The following MARCHF1 variants were observed in gnomAD, a reference collection of about 807,000 sequenced individuals.
The protein encoded by MARCHF1 is E3 ubiquitin-protein ligase MARCHF1.
Under a neutral mutation model 54.2 loss-of-function variants are expected in MARCHF1, and 40 were observed. That is an observed-to-expected ratio of 0.74 (90% CI 0.57 to 0.96). MARCHF1 has a LOEUF of 0.96. Among genes scored for constraint, MARCHF1 ranks in the 40% least tolerant of loss-of-function variants. The pLI is 0.00. For missense variants in MARCHF1, 586 were observed against 656.5 expected, an observed-to-expected ratio of 0.89 and a Z score of 1.17; for synonymous variants, 236 against 236.3, an observed-to-expected ratio of 1.00 and a Z score of 0.01.
At chr4:164,045,189 A>T (rs1754215968) in intron 2 of MARCHF1, among the ~76,000 whole-genome samples, 1 of 152,124 alleles carries the variant, frequency 6.6e-6, no homozygotes, top group Admixed American at 6.6e-5. Context: ...TAAACTTTCT[A>T]AATGAGTATA....
In MARCHF1 at chr4:163,526,434, T is replaced by TATC. The variant is rs1269704042; in HGVS notation, c.*2311_*2313dup. On this transcript the variant is annotated 3_prime_UTR_variant, in exon 10 of 10. Transcript: ENST00000514618. ...GTGTCTGGATGTTTTTCCCCGGGAA[T>TATC]ATCTGTAAGCAGCATGTTGCCATTA... 1.3e-5 allele frequency: 2 copies of TATC among 152,104 alleles called. No homozygotes were observed. Among genetic ancestry groups the TATC allele is most frequent in the African/African-American group, 4.8e-5 (2 of 41,446 alleles). The allele number at this position is 152,104 out of a possible 1,614,324, so 9.4% of individuals were successfully genotyped here. A position where few individuals can be genotyped will look rare whatever the true frequency, so the allele number is the denominator to read the frequency against.
At chr4:163,936,416 C>A (rs1384965918) in intron 3 of MARCHF1, among the ~76,000 whole-genome samples, 1 of 152,166 alleles carries the variant, frequency 6.6e-6, no homozygotes. Context: ...TGAACCTCAA[C>A]AAAATGAGGT....
At chr4:163,918,596 A>C (rs575271505) in intron 3 of MARCHF1, among the ~76,000 whole-genome samples, 2 of 152,344 alleles carry the variant, frequency 1.3e-5, no homozygotes, top group South Asian at 4.1e-4. Context: ...AGCAACATGC[A>C]ACTTCACTTT....
At chr4:163,836,700 T>C (rs975814429) in intron 4 of MARCHF1, among the ~76,000 whole-genome samples, 2 of 143,120 alleles carry the variant, frequency 1.4e-5, no homozygotes, top group Non-Finnish European at 3.0e-5. Context: ...AGCTGAGTAA[T>C]AGAAGCTGTA....
intron 3 of MARCHF1, among the ~76,000 whole-genome samples, chr4:163,923,320 A>G (rs2111369663): frequency 6.6e-6 from 1 of 152,250 alleles, no homozygotes; most frequent in South Asian, 2.1e-4. Flanking sequence ...AATAATTCTG[A>G]AGATGAGTAT....
intron 5 of MARCHF1, among the ~76,000 whole-genome samples, chr4:163,676,305 C>T (rs1743917673): frequency 6.7e-6 from 1 of 149,368 alleles, no homozygotes; most frequent in Non-Finnish European, 1.5e-5. Flanking sequence ...TGCAGTGAGC[C>T]GAGGTTGCGC....
intron 1 of MARCHF1, among the ~76,000 whole-genome samples, chr4:164,169,829 GACTC>G (rs985731176): frequency 4.1e-4 from 62 of 152,050 alleles, no homozygotes; most frequent in African/African-American, 1.4e-3. Flanking sequence ...TTGAGAGAAT[GACTC>G]ACTCACTTTA....
intron 1 of MARCHF1, among the ~76,000 whole-genome samples, chr4:164,273,865 C>T (rs918661897): frequency 6.6e-6 from 1 of 151,884 alleles, no homozygotes; most frequent in African/African-American, 2.4e-5. Flanking sequence ...TAGAAGAGTA[C>T]CATAATAAGA....
chr4:163,700,963 A>G (rs901469434), intron 4 of MARCHF1, 100 bp from the exon 5 acceptor site: 1 of 767,428 alleles, frequency 1.3e-6, no homozygotes, highest in African/African-American at 1.8e-5. Flanking sequence ...AAATCTGTGA[A>G]TGCTCTCTAT....
intron 4 of MARCHF1, among the ~76,000 whole-genome samples, chr4:163,779,173 C>T (rs1315048495): frequency 2.0e-5 from 3 of 152,148 alleles, no homozygotes; most frequent in Non-Finnish European, 2.9e-5. Flanking sequence ...TTTTTACTAA[C>T]ATGAGTAAAT....
rs535198381 is a variant in MARCHF1 at position 164,023,092 on chromosome 4, C to T, written c.-247-34383G>A. 6.6e-5 allele frequency among the ~76,000 whole-genome samples: 10 copies of T among 152,296 alleles called. No homozygotes were observed. The East Asian group carries it at 7.7e-4, about 12-fold the overall frequency. On this transcript the variant is annotated intron_variant, in intron 2 of 9. Coordinates refer to ENST00000514618, the MANE Select transcript of MARCHF1 (RefSeq NM_001394959.1). ...AGCACTTGAGTTGGGAAAAAGGCCCCGCTCTCAGAGCACAGAGAGGGGTGA... is the reference window on the plus strand; with the variant it reads ...AGCACTTGAGTTGGGAAAAAGGCCCTGCTCTCAGAGCACAGAGAGGGGTGA...
In MARCHF1 at chr4:163,602,436, C is replaced by T. The variant is rs572312260; in HGVS notation, c.1010+9835G>A. 7.2e-5 allele frequency among the ~76,000 whole-genome samples: 11 copies of T among 151,938 alleles called. No homozygotes were observed. In the East Asian group the frequency reaches 2.1e-3, roughly 29 times the overall value. On this transcript the variant is annotated intron_variant, in intron 7 of 9. Coordinates refer to ENST00000514618, the MANE Select transcript of MARCHF1 (RefSeq NM_001394959.1). ...TCCTATAAATAGAGAGCCATTTTAC[C>T]TTTTTCAAGTCTGACCACTCCAAGT...
chr4:164,235,297 T>C (rs1732517650), intron 1 of MARCHF1, among the ~76,000 whole-genome samples: 1 of 152,136 alleles, frequency 6.6e-6, no homozygotes. Context: ...TACAAAATTA[T>C]CTACTTATTC....
intron 1 of MARCHF1, among the ~76,000 whole-genome samples, chr4:164,176,973 T>TA (rs1730696614): frequency 1.1e-4 from 2 of 17,840 alleles, no homozygotes; most frequent in Non-Finnish European, 3.1e-4. Flanking sequence ...TCTCTCTCTC[T>TA]CTCTCTCTAT....
At chr4:164,311,121 A>G (rs17044895) in intron 1 of MARCHF1, among the ~76,000 whole-genome samples, 14,858 of 152,198 alleles carry the variant, frequency 0.098, 806 homozygotes, top group Middle Eastern at 0.12. Context: ...TTTATTTAGT[A>G]TGCTAACAGG....
chr4:164,122,713 C>T lies in MARCHF1; in HGVS notation c.-322-11051G>A, dbSNP rs538053965. ...CACTTCTGCCTGTTTAATCTCTGCCCCTAAACTTCTTGTGTGTTTTCGTGT... is the reference window on the plus strand; with the variant it reads ...CACTTCTGCCTGTTTAATCTCTGCCTCTAAACTTCTTGTGTGTTTTCGTGT... On this transcript the variant is annotated intron_variant, in intron 1 of 9. Transcript: ENST00000514618. Among the ~76,000 whole-genome samples, 16 of 152,020 alleles carry T rather than the reference C, an allele frequency of 1.1e-4. No homozygotes were observed. The South Asian group carries it at 2.1e-3, about 20-fold the overall frequency.
intron 9 of MARCHF1, among the ~76,000 whole-genome samples, chr4:163,531,696 TTAAG>T (rs973007588): frequency 2.0e-5 from 3 of 151,876 alleles, no homozygotes; most frequent in Admixed American, 6.6e-5. Context: ...AAAGAACTGA[TTAAG>T]TTTTTTTTTT....
intron 4 of MARCHF1, among the ~76,000 whole-genome samples, chr4:163,846,159 G>A (rs1267093975): frequency 1.3e-5 from 2 of 152,134 alleles, no homozygotes; most frequent in African/African-American, 4.8e-5. Context: ...GAATAAGAAA[G>A]AATTAAAAGG....
At chr4:164,280,597 C>A (rs539228702) in intron 1 of MARCHF1, among the ~76,000 whole-genome samples, 258 of 152,064 alleles carry the variant, frequency 1.7e-3, no homozygotes, top group Non-Finnish European at 2.1e-3. Context: ...AATATTGAAA[C>A]CAAATTTATT....
Sources: gnomAD v4.1 joint callset for allele counts (sites outside exome capture counted in the v4.1 genomes callset) on GRCh38, gnomAD v4.1.1 for gene constraint, MANE v1.5 for transcripts, NCBI Gene and HGNC (gene_info 2026-07-23, HGNC 2026-07-21) for gene names.